The following ATP6V1E1 variants were observed in gnomAD, a reference collection of about 807,000 sequenced individuals.
The protein encoded by ATP6V1E1 is V-type proton ATPase subunit E 1.
In ATP6V1E1, 21 loss-of-function variants were observed where a neutral mutation model predicts 35.2. The observed-to-expected ratio is 0.60, with a 90% CI of 0.42 to 0.86. The LOEUF is 0.86. ATP6V1E1 is among the 40% of genes least tolerant of loss of function. ATP6V1E1 has a pLI of 0.00. For missense variants in ATP6V1E1, 183 were observed against 272.6 expected, an observed-to-expected ratio of 0.67 and a Z score of 2.32; for synonymous variants, 83 against 87.8, an observed-to-expected ratio of 0.95 and a Z score of 0.30.
chr22:17,595,032 T>A (rs2057724232), intron 7 of ATP6V1E1: 1 of 152,682 alleles, frequency 6.5e-6, no homozygotes, highest in Admixed American at 6.5e-5. Context: ...AACTGTCATT[T>A]ACCAAGTGAC....
At chr22:17,594,454 G>C in intron 8 of ATP6V1E1, 75 bp downstream of exon 8, 1 of 1,165,636 alleles carries the variant, frequency 8.6e-7, no homozygotes, top group South Asian at 1.8e-5. Context: ...CCAAATACCA[G>C]TGAATGGACA....
At chr22:17,617,284 A>G (rs1882576410) in intron 2 of ATP6V1E1, among the ~76,000 whole-genome samples, 1 of 152,062 alleles carries the variant, frequency 6.6e-6, no homozygotes, top group African/African-American at 2.4e-5. Flanking sequence ...TCTTGGTCAT[A>G]TTTTATTTAC....
rs559707751 is a variant in ATP6V1E1 at position 17,628,335 on chromosome 22, G to A, written c.33+268C>T. Among the ~76,000 whole-genome samples, 19 of 152,348 alleles carry A rather than the reference G, an allele frequency of 1.2e-4. 1 individual carries two copies. In the South Asian group the frequency reaches 3.9e-3, roughly 32 times the overall value. On this transcript the variant is annotated intron_variant, in intron 1 of 8. Coordinates refer to ENST00000253413, the MANE Select transcript of ATP6V1E1 (RefSeq NM_001696.4). ...CACAGTGAATACCCTTGGAAAACAG[G>A]GAATGCTGAGGTGGGAGGCAAAGAG...
At chr22:17,614,805 A>G (rs1488113436) in intron 2 of ATP6V1E1, among the ~76,000 whole-genome samples, 1 of 151,184 alleles carries the variant, frequency 6.6e-6, no homozygotes, top group East Asian at 2.0e-4. Context: ...CGTCTCTACT[A>G]AAAAATACAA....
intron 6 of ATP6V1E1, among the ~76,000 whole-genome samples, chr22:17,598,617 G>GGTAA (rs2057745378): frequency 1.3e-5 from 2 of 152,272 alleles, no homozygotes; most frequent in East Asian, 3.9e-4. Flanking sequence ...GCTGGGGGTA[G>GGTAA]GTAAGGAGAG....
At chr22:17,619,060 G>A (rs774166505) in intron 2 of ATP6V1E1, 6 of 454,858 alleles carry the variant, frequency 1.3e-5, no homozygotes, top group Admixed American at 4.7e-5. Context: ...TGGGGAGGAC[G>A]AGGTAGGCGG....
At chr22:17,628,512 G>A in intron 1 of ATP6V1E1, 91 bp downstream of exon 1, 3 of 1,556,742 alleles carry the variant, frequency 1.9e-6, no homozygotes, top group Non-Finnish European at 2.7e-6. Flanking sequence ...GCATCTGGGC[G>A]GCTCAAGGCC....
chr22:17,628,726 A>G lies in ATP6V1E1; in HGVS notation c.-91T>C. The G allele has an allele frequency of 1.3e-6, 2 of 1,558,384 alleles. No homozygotes were observed. The highest frequency in any genetic ancestry group is 1.8e-6 in the Non-Finnish European group (2 of 1,130,138). Reference sequence around the variant, plus strand: ...AAATCGGCAAAGGGAACCCCTGCGCAGATCTCGGGTTCCTTTACTTTATAA... The same window carrying G: ...AAATCGGCAAAGGGAACCCCTGCGCGGATCTCGGGTTCCTTTACTTTATAA... On this transcript the variant is annotated 5_prime_UTR_variant, in exon 1 of 9. Coordinates refer to ENST00000253413, the MANE Select transcript of ATP6V1E1 (RefSeq NM_001696.4).
chr22:17,625,155 C>T (rs76403650), intron 1 of ATP6V1E1, among the ~76,000 whole-genome samples: 2,309 of 152,234 alleles, frequency 0.015, 58 homozygotes, highest in African/African-American at 0.051. Flanking sequence ...TCTATTTACC[C>T]TTTGGCATTA....
chr22:17,626,451 T>C (rs1427888830), intron 1 of ATP6V1E1, among the ~76,000 whole-genome samples: 1 of 152,054 alleles, frequency 6.6e-6, no homozygotes, highest in African/African-American at 2.4e-5. Flanking sequence ...CATAGCTCAC[T>C]GCAGCCTCGA....
chr22:17,611,716 T>C (rs1048641966), intron 4 of ATP6V1E1, among the ~76,000 whole-genome samples: 11 of 152,356 alleles, frequency 7.2e-5, no homozygotes, highest in African/African-American at 2.4e-4. Context: ...AATTTAGTGA[T>C]GGACTTGGAA....
rs74795219 is a variant in ATP6V1E1, at chr22:17,598,327, C to A, written c.436-39G>T. On this transcript the variant is annotated intron_variant, in intron 6 of 8. Coordinates refer to ENST00000253413, the MANE Select transcript of ATP6V1E1 (RefSeq NM_001696.4). ...ACACAATGAGAGGTGTCACTAGGAA[C>A]TATGAAGCAAGTATCCAAAAACTCA... 2.9e-3 allele frequency: 4,387 copies of A among 1,503,244 alleles called. 95 individuals carry two copies. The African/African-American group carries it at 0.052, about 18-fold the overall frequency. The allele number at this position is 1,503,244 out of a possible 1,614,324, so 93.1% of individuals were successfully genotyped here.
intron 4 of ATP6V1E1, among the ~76,000 whole-genome samples, chr22:17,609,407 G>C (rs1034827036): frequency 6.8e-6 from 1 of 147,246 alleles, no homozygotes; most frequent in East Asian, 2.1e-4. Context: ...TGATCCATCC[G>C]CCTCATCCTC....
intron 4 of ATP6V1E1, among the ~76,000 whole-genome samples, chr22:17,607,197 C>T (rs891936475): frequency 4.6e-5 from 7 of 151,904 alleles, no homozygotes; most frequent in African/African-American, 1.2e-4. Flanking sequence ...CTCACTCTGT[C>T]GCCAGGCTGG....
intron 1 of ATP6V1E1, among the ~76,000 whole-genome samples, chr22:17,625,959 A>G (rs2057902227): frequency 6.6e-6 from 1 of 151,842 alleles, no homozygotes; most frequent in South Asian, 2.1e-4. Flanking sequence ...ATAAACTCTG[A>G]TACATCTACT....
intron 4 of ATP6V1E1, 103 bp downstream of exon 4, chr22:17,612,709 A>G: frequency 1.0e-6 from 1 of 972,006 alleles, no homozygotes; most frequent in Non-Finnish European, 1.5e-6. Context: ...TTCTCTCTAA[A>G]GATTATTCAA....
rs1203838410 is a variant in ATP6V1E1, at chr22:17,627,610, G to A, written c.33+993C>T. Among the ~76,000 whole-genome samples, 3 of 151,176 alleles carry A rather than the reference G, an allele frequency of 2.0e-5. No individual in the cohort carries two copies. In the East Asian group the frequency reaches 6.2e-4, roughly 31 times the overall value. ...CAGGTGGGAAGATCACCTGAGGTCA[G>A]GAGTTCAAGACCAGCCAGGCCAATA... is the stretch of plus-strand genomic sequence containing the variant. On this transcript the variant is annotated intron_variant, in intron 1 of 8. Coordinates refer to ENST00000253413, the MANE Select transcript of ATP6V1E1 (RefSeq NM_001696.4).
chr22:17,628,680 G>T lies in ATP6V1E1; in HGVS notation c.-45C>A, dbSNP rs979674986. ...CGGTGAACAGTAGGCTCGAGTTTAG[G>T]TTTGAAAGGTGAGGTGAGAGAAATC... is the stretch of plus-strand genomic sequence containing the variant. On this transcript the variant is annotated 5_prime_UTR_variant, in exon 1 of 9. Transcript: ENST00000253413. 3 of 1,613,234 alleles carry T rather than the reference G, an allele frequency of 1.9e-6. No individual in the cohort carries two copies. Among genetic ancestry groups the T allele is most frequent in the East Asian group, 4.5e-5 (2 of 44,892 alleles).
intron 6 of ATP6V1E1, among the ~76,000 whole-genome samples, chr22:17,599,420 CA>C (rs1339941197): frequency 6.7e-6 from 1 of 149,348 alleles, no homozygotes; most frequent in African/African-American, 2.5e-5. Context: ...ACTAAAGATA[CA>C]AAAAATTAGC....
Sources: allele counts gnomAD v4.1 joint callset (sites outside exome capture counted in the v4.1 genomes callset), GRCh38; gene constraint gnomAD v4.1.1; transcripts MANE v1.5; gene names NCBI Gene and HGNC (gene_info 2026-07-23, HGNC 2026-07-21).